DNAH9: variants seen among roughly 807,000 people sequenced by gnomAD.
The protein encoded by DNAH9 is dynein axonemal heavy chain 9.
DNAH9 carries 345 observed loss-of-function variants against 471.6 expected under a neutral mutation model. That is an observed-to-expected ratio of 0.73 (90% CI 0.67 to 0.80). The LOEUF is 0.80. Ranked by LOEUF, DNAH9 falls within the 30% of genes least tolerant of loss-of-function variation. DNAH9 has a pLI of 0.00. For missense variants in DNAH9, 5,407 were observed against 5,609.2 expected (o/e 0.96, Z 1.15); for synonymous variants, 2,093 against 2,123.6 (o/e 0.99, Z 0.40).
chr17:11,685,759 T>C (rs1447019609), intron 19 of DNAH9, among the ~76,000 whole-genome samples: 1 of 151,962 alleles, frequency 6.6e-6, no homozygotes, highest in Non-Finnish European at 1.5e-5. Flanking sequence ...GGGCACAGAA[T>C]TGGAAGGACT....
At chr17:11,637,768 A>C (rs2073190985) in intron 9 of DNAH9, among the ~76,000 whole-genome samples, 1 of 146,952 alleles carries the variant, frequency 6.8e-6, no homozygotes, top group South Asian at 2.1e-4. Context: ...ATGAAAAGAA[A>C]ATAAAGAAGA....
At chr17:11,656,496 T>A (rs1212175538) in intron 14 of DNAH9, among the ~76,000 whole-genome samples, 1 of 152,206 alleles carries the variant, frequency 6.6e-6, no homozygotes, top group Non-Finnish European at 1.5e-5. Context: ...TTATCTTCTA[T>A]GATATCATGC....
intron 44 of DNAH9, among the ~76,000 whole-genome samples, chr17:11,809,538 G>A (rs1044830590): frequency 6.6e-6 from 1 of 152,108 alleles, no homozygotes; most frequent in African/African-American, 2.4e-5. Flanking sequence ...CTGCACTCCA[G>A]CCTGGGTGAC....
rs535510696 is a variant in DNAH9 at position 11,859,099 on chromosome 17, A to C, written c.9933+4671A>C. Reference sequence around the variant, plus strand: ...AACCCCGTCTCAAAAAAAAAAAAAAAAAAAAAGAGTAATGACACAAACTGC... The same window carrying C: ...AACCCCGTCTCAAAAAAAAAAAAAACAAAAAAGAGTAATGACACAAACTGC... On this transcript the variant is annotated intron_variant, in intron 50 of 68. Transcript: ENST00000262442. 2.6e-4 allele frequency among the ~76,000 whole-genome samples: 39 copies of C among 150,840 alleles called. No individual in the cohort carries two copies. The South Asian group carries it at 3.4e-3, about 13-fold the overall frequency.
intron 30 of DNAH9, among the ~76,000 whole-genome samples, chr17:11,743,211 C>G (rs2075458379): frequency 6.6e-6 from 1 of 152,170 alleles, no homozygotes; most frequent in African/African-American, 2.4e-5. Context: ...TTTGCTAACT[C>G]TAGGACCCTG....
intron 47 of DNAH9, 43 bp downstream of exon 47, chr17:11,822,642 G>C (rs1389357317): frequency 1.2e-5 from 20 of 1,609,840 alleles, no homozygotes; most frequent in Non-Finnish European, 1.6e-5. Context: ...CTTCCCAGAT[G>C]AGGGTACAAT....
At chr17:11,773,193 A>G (rs1434851800) in intron 38 of DNAH9, among the ~76,000 whole-genome samples, 1 of 152,216 alleles carries the variant, frequency 6.6e-6, no homozygotes, top group East Asian at 1.9e-4. Context: ...TTTGCAGCCC[A>G]GTGTCTTAAT....
intron 12 of DNAH9, among the ~76,000 whole-genome samples, 163 bp downstream of exon 12, chr17:11,647,361 C>T (rs2073415102): frequency 6.6e-6 from 1 of 152,200 alleles, no homozygotes; most frequent in Non-Finnish European, 1.5e-5. Flanking sequence ...CAACCCCTAC[C>T]TCCTGGGTTC....
At chr17:11,875,717 C>T (rs1972450598) in intron 53 of DNAH9, 1 of 153,450 alleles carries the variant, frequency 6.5e-6, no homozygotes, top group African/African-American at 2.4e-5. Flanking sequence ...TGGCTTCGTA[C>T]TTACCTGTGG....
chr17:11,902,440 T>C (rs1228870004), intron 59 of DNAH9, among the ~76,000 whole-genome samples: 1 of 152,206 alleles, frequency 6.6e-6, no homozygotes, highest in Non-Finnish European at 1.5e-5. Context: ...CTCTTTTCCA[T>C]GTACACACCT....
At chr17:11,631,399 A>G (rs778878395) in intron 7 of DNAH9, among the ~76,000 whole-genome samples, 7 of 152,106 alleles carry the variant, frequency 4.6e-5, no homozygotes, top group Non-Finnish European at 8.8e-5. Flanking sequence ...TCTACCTTCT[A>G]AGAATTCTAT....
chr17:11,621,798 T>G (rs2072872764), intron 6 of DNAH9, among the ~76,000 whole-genome samples: 1 of 151,908 alleles, frequency 6.6e-6, no homozygotes, highest in Admixed American at 6.6e-5. Flanking sequence ...AAAGTGAGAT[T>G]GGGCTGGGTG....
At chr17:11,600,311 T>C (rs2072358518) in intron 1 of DNAH9, among the ~76,000 whole-genome samples, 2 of 152,126 alleles carry the variant, frequency 1.3e-5, no homozygotes, top group African/African-American at 4.8e-5. Context: ...AAGTGTTGAA[T>C]TGTCTCCTGA....
chr17:11,766,305 T>A (rs1299569917), intron 36 of DNAH9, among the ~76,000 whole-genome samples: 10 of 143,734 alleles, frequency 7.0e-5, no homozygotes, highest in South Asian at 2.2e-4. Flanking sequence ...AGTTCCCATT[T>A]AAAAAAAAAA....
At chr17:11,839,183 T>C (rs1344515264) in intron 49 of DNAH9, among the ~76,000 whole-genome samples, 1 of 152,220 alleles carries the variant, frequency 6.6e-6, no homozygotes, top group Non-Finnish European at 1.5e-5. Context: ...AACTTATTTC[T>C]TCTTATACAA....
intron 8 of DNAH9, among the ~76,000 whole-genome samples, chr17:11,636,063 A>G (rs1033252918): frequency 3.3e-5 from 5 of 151,880 alleles, no homozygotes; most frequent in South Asian, 2.1e-4. Context: ...CAATGGCACG[A>G]TCTTGGCATC....
At chr17:11,659,810 C>T (rs1034798050) in intron 14 of DNAH9, among the ~76,000 whole-genome samples, 14 of 152,222 alleles carry the variant, frequency 9.2e-5, no homozygotes, top group African/African-American at 3.4e-4. Flanking sequence ...TCCAAACTGG[C>T]GTTGGCCCCC....
intron 8 of DNAH9, among the ~76,000 whole-genome samples, chr17:11,635,180 T>C (rs1328407265): frequency 1.3e-5 from 2 of 152,024 alleles, no homozygotes; most frequent in Non-Finnish European, 2.9e-5. Context: ...TATTTATTTA[T>C]TTTTGAGACA....
intron 45 of DNAH9, among the ~76,000 whole-genome samples, chr17:11,811,754 C>T (rs541661910): frequency 3.3e-5 from 5 of 151,960 alleles, no homozygotes; most frequent in East Asian, 3.9e-4. Context: ...AAGCATCTTC[C>T]GTCAAAGGTA....
Sources: allele counts gnomAD v4.1 joint callset (sites outside exome capture counted in the v4.1 genomes callset), GRCh38; gene constraint gnomAD v4.1.1; transcripts MANE v1.5; gene names NCBI Gene and HGNC (gene_info 2026-07-23, HGNC 2026-07-21).